The following CABP1 variants were observed in gnomAD, a reference collection of about 807,000 sequenced individuals.
The protein encoded by CABP1 is calcium binding protein 1, also known as calcium-binding protein 1.
Under a neutral mutation model 34.3 loss-of-function variants are expected in CABP1, and 17 were observed. That is an observed-to-expected ratio of 0.50 (90% confidence interval 0.34 to 0.74). CABP1 has a LOEUF of 0.74. Ranked by LOEUF, CABP1 falls within the 30% of genes least tolerant of loss-of-function variation. The pLI, the probability that CABP1 is intolerant of heterozygous loss-of-function variation, is 0.01. For synonymous variants in CABP1, 198 were observed against 229.2 expected (o/e 0.86, Z 1.23); for missense variants, 373 against 511.1 (o/e 0.73, Z 2.61).
At chr12:120,672,711 GAAA>G in the CABP1 span, among the ~76,000 whole-genome samples, 787 of 139,486 alleles carry the variant, frequency 5.6e-3, 9 homozygotes, top group African/African-American at 0.018. Context: ...GCACTTGGGT[GAAA>G]AAAAAAAAAA....
chr12:120,676,209 G>A, the CABP1 span, among the ~76,000 whole-genome samples: 1 of 152,164 alleles, frequency 6.6e-6, no homozygotes, highest in African/African-American at 2.4e-5. Context: ...TAGTTCCCCA[G>A]ACATACCAGT....
At chr12:120,655,595 T>C in intron 1 of CABP1, 1 of 1,320,282 alleles carries the variant, frequency 7.6e-7, no homozygotes, top group Non-Finnish European at 9.7e-7. Context: ...CCTCACTGCC[T>C]TCCAGCGGGG....
chr12:120,642,994 T>TAAAAAAAAAAA (rs1565993342), intron 1 of CABP1, among the ~76,000 whole-genome samples: 2 of 7,318 alleles, frequency 2.7e-4, no homozygotes, highest in African/African-American at 2.2e-3. Flanking sequence ...ACTCAGCTCC[T>TAAAAAAAAAAA]GAAAAAAAAA....
At chr12:120,671,381 G>A (rs1237360234), downstream of CABP1, among the ~76,000 whole-genome samples, 1 of 152,234 alleles carries the variant, frequency 6.6e-6, no homozygotes, top group Admixed American at 6.5e-5. Flanking sequence ...CTGGGCAACA[G>A]AGCAAGAAAT....
intron 5 of CABP1, among the ~76,000 whole-genome samples, chr12:120,665,750 G>A (rs540231424): frequency 1.3e-5 from 2 of 151,988 alleles, no homozygotes; most frequent in African/African-American, 4.8e-5. Context: ...GGCCCGGCGC[G>A]GTGGCTCACG....
rs1255800127 is a variant in CABP1 at position 120,641,191 on chromosome 12, A to G, written c.506A>G (p.Asp169Gly). ...SSPLPPARGR[D>G]GEERGLSPAL... ...CCGCTGCCGCCGGCCCGCGGGCGGG[A>G]TGGGGAGGAACGGGGACTGTCCCCG... The change falls in exon 1 of 6, where the codon GAT becomes GGT. Residue 169 changes from aspartate (D) to glycine (G), a missense_variant. By Grantham distance (94) the Asp-to-Gly change is moderately conservative (BLOSUM62 -1). Transcript: ENST00000316803. This position sits in a 1 kb window ranked among gnomAD's most constrained non-coding sequence, Gnocchi z 6.7. 13 of 1,241,254 alleles carry G rather than the reference A, an allele frequency of 1.0e-5. No homozygotes were observed. The highest frequency in any genetic ancestry group is 6.1e-4 in the Middle Eastern group (2 of 3,256). The allele number at this position is 1,241,254 out of a possible 1,614,324, so 76.9% of individuals were successfully genotyped here.
downstream of CABP1, among the ~76,000 whole-genome samples, chr12:120,668,756 G>T (rs572650313): frequency 6.6e-6 from 1 of 152,362 alleles, no homozygotes; most frequent in Non-Finnish European, 1.5e-5. Flanking sequence ...TCTTAAAGCA[G>T]CCCAAAGGAG....
chr12:120,670,510 G>C (rs762577778), downstream of CABP1, among the ~76,000 whole-genome samples: 3 of 152,186 alleles, frequency 2.0e-5, no homozygotes, highest in Non-Finnish European at 4.4e-5. Context: ...CACTTTGGGA[G>C]GCCGAGATGG....
chr12:120,677,579 T>C, the CABP1 span, among the ~76,000 whole-genome samples: 1 of 151,976 alleles, frequency 6.6e-6, no homozygotes, highest in South Asian at 2.1e-4. Flanking sequence ...TTATTTTTTG[T>C]AGAGATGGGA....
At chr12:120,642,130 A>G (rs1879360634) in intron 1 of CABP1, among the ~76,000 whole-genome samples, 1 of 152,176 alleles carries the variant, frequency 6.6e-6, no homozygotes, top group African/African-American at 2.4e-5. Context: ...AAACAGGCTC[A>G]GTAGAAGGAA....
chr12:120,651,925 A>G (rs1879870908), intron 1 of CABP1, among the ~76,000 whole-genome samples: 1 of 152,208 alleles, frequency 6.6e-6, no homozygotes, highest in African/African-American at 2.4e-5. Flanking sequence ...TAGCCCTTGT[A>G]ATAGGTTCCA....
At chr12:120,672,536 G>A in the CABP1 span, among the ~76,000 whole-genome samples, 1 of 150,854 alleles carries the variant, frequency 6.6e-6, no homozygotes, top group Non-Finnish European at 1.5e-5. Context: ...GAAGGCTGAG[G>A]CAGGAGAATT....
rs1470583202 is a variant in CABP1 at position 120,640,790 on chromosome 12, CG to C, written c.110del (p.Gly37AlafsTer22). The C allele has an allele frequency of 1.1e-5, 12 of 1,121,730 alleles. No homozygotes were observed. The highest frequency in any genetic ancestry group is 9.7e-5 in the East Asian group (2 of 20,662). 69.5% of individuals were successfully genotyped at this position (1,121,730 alleles called of 1,614,324 possible). On this transcript the variant is annotated frameshift_variant, in exon 1 of 6. Coordinates refer to ENST00000316803, the MANE Select transcript of CABP1 (RefSeq NM_001033677.2). LOFTEE classifies it high-confidence loss of function. The surrounding 1 kb of genome is among the most constrained non-coding windows in gnomAD (Gnocchi z 6.2). ...SRREPRSLPA[G>X]GPAPRRTAPP... ...GCCGGGAGCCCCGTTCTCTGCCCGCCGGGGGCCCCGCGCCGCGCCGCACCGC... is the reference window on the plus strand; with the variant it reads ...GCCGGGAGCCCCGTTCTCTGCCCGCCGGGGCCCCGCGCCGCGCCGCACCGC...
At chr12:120,668,736 A>G (rs1881137558), downstream of CABP1, among the ~76,000 whole-genome samples, 1 of 152,222 alleles carries the variant, frequency 6.6e-6, no homozygotes, top group African/African-American at 2.4e-5. Flanking sequence ...ATTCGTTTCT[A>G]TAAGTGAAGT....
intron 1 of CABP1, chr12:120,655,628 CTGTT>C: frequency 7.2e-7 from 1 of 1,390,944 alleles, no homozygotes; most frequent in Non-Finnish European, 9.3e-7. Flanking sequence ...TAGGACAAGT[CTGTT>C]TGGGAGCTGG....
At chr12:120,647,845 G>A (rs1427000779) in intron 1 of CABP1, among the ~76,000 whole-genome samples, 7 of 148,552 alleles carry the variant, frequency 4.7e-5, no homozygotes, top group African/African-American at 1.7e-4. Context: ...GCCTCCCAAA[G>A]TGCTGGGATT....
At chr12:120,677,967 G>A in the CABP1 span, among the ~76,000 whole-genome samples, 3 of 152,136 alleles carry the variant, frequency 2.0e-5, no homozygotes, top group Non-Finnish European at 4.4e-5. Flanking sequence ...TTGGGGACCC[G>A]GCCAGGTTTC....
intron 1 of CABP1, chr12:120,650,572 C>T: frequency 6.2e-7 from 1 of 1,611,870 alleles, no homozygotes; most frequent in South Asian, 1.1e-5. Flanking sequence ...GGACGGAAGT[C>T]CCTCAGTCCC....
At chr12:120,679,845 G>A in the CABP1 span, among the ~76,000 whole-genome samples, 1 of 151,690 alleles carries the variant, frequency 6.6e-6, no homozygotes, top group South Asian at 2.1e-4. Flanking sequence ...GAAAAAAAAA[G>A]AAAAAAGAAA....
Sources: allele counts gnomAD v4.1 joint callset (sites outside exome capture counted in the v4.1 genomes callset), GRCh38; gene constraint gnomAD v4.1.1; non-coding constraint Gnocchi (gnomAD v3.1); transcripts MANE v1.5; gene names NCBI Gene and HGNC (gene_info 2026-07-23, HGNC 2026-07-21).